Variants in MAEL observed in about 807,000 individuals in gnomAD.
MAEL encodes the protein maelstrom spermatogenic transposon silencer, also known as protein maelstrom homolog.
MAEL carries 46 observed loss-of-function variants against 62.0 expected under a neutral mutation model. The observed-to-expected ratio is 0.74, with a 90% CI of 0.59 to 0.95. The LOEUF is 0.95. MAEL is among the 40% of genes least tolerant of loss of function. The probability of loss-of-function intolerance (pLI) is 0.00; values close to 1 mark genes in which losing one functional copy is unlikely to be tolerated. For missense variants in MAEL, 497 were observed against 526.8 expected (o/e 0.94, Z 0.55); for synonymous variants, 172 against 175.5 (o/e 0.98, Z 0.16).
At chr1:167,007,828 AC>A (rs1425784068) in intron 8 of MAEL, among the ~76,000 whole-genome samples, 2 of 152,108 alleles carry the variant, frequency 1.3e-5, no homozygotes, top group Non-Finnish European at 2.9e-5. Context: ...AAGACATACA[AC>A]TGTTTAGAGT....
At position 167,004,350 on chromosome 1, in the gene MAEL, C is replaced by T. The variant is rs367890686; in HGVS notation, c.648+46C>T. 23 of 1,506,676 alleles carry T rather than the reference C, an allele frequency of 1.5e-5. No individual in the cohort carries two copies. The South Asian group carries it at 2.8e-4, about 19-fold the overall frequency. 93.3% of individuals were successfully genotyped at this position (1,506,676 alleles called of 1,614,324 possible). A position where few individuals can be genotyped will look rare whatever the true frequency, so the allele number is the denominator to read the frequency against. ...TCTTTTAAGGTATCAATTTATAGTACCAAAAGATCCATAAAACAAAGAATT... is the reference window on the plus strand; with the variant it reads ...TCTTTTAAGGTATCAATTTATAGTATCAAAAGATCCATAAAACAAAGAATT... On this transcript the variant is annotated intron_variant, in intron 6 of 11. Coordinates refer to ENST00000367872, the MANE Select transcript of MAEL (RefSeq NM_032858.3).
chr1:167,007,406 C>T (rs1482890281), intron 8 of MAEL, among the ~76,000 whole-genome samples: 1 of 152,086 alleles, frequency 6.6e-6, no homozygotes, highest in East Asian at 1.9e-4. Flanking sequence ...TTTGTTCCAG[C>T]CCTGGATTAG....
At chr1:166,993,159 C>G (rs1664267087) in intron 4 of MAEL, among the ~76,000 whole-genome samples, 1 of 152,120 alleles carries the variant, frequency 6.6e-6, no homozygotes, top group African/African-American at 2.4e-5. Flanking sequence ...ATGATCTTTT[C>G]TTTTTCTACC....
chr1:166,991,559 C>A, intron 3 of MAEL, 82 bp downstream of exon 3: 2 of 813,670 alleles, frequency 2.5e-6, no homozygotes, highest in Admixed American at 1.9e-5. Context: ...ATTTTCTGTT[C>A]ATTTTGATCC....
chr1:166,980,022 T>C (rs1005884287), intron 1 of MAEL, among the ~76,000 whole-genome samples: 66 of 152,322 alleles, frequency 4.3e-4, no homozygotes, highest in African/African-American at 1.3e-3. Context: ...ATTGTCTTTC[T>C]TTCTTTCTTT....
chr1:167,021,020 C>A, intron 10 of MAEL, 65 bp from the exon 11 acceptor site: 1 of 1,148,452 alleles, frequency 8.7e-7, no homozygotes, highest in Non-Finnish European at 1.3e-6. Context: ...AAATTGAAGA[C>A]AGACCATCCA....
chr1:167,017,642 T>C (rs1446909081), intron 9 of MAEL, among the ~76,000 whole-genome samples, 185 bp from the exon 10 acceptor site: 1 of 152,222 alleles, frequency 6.6e-6, no homozygotes, highest in Non-Finnish European at 1.5e-5. Flanking sequence ...TGCTTAGCAG[T>C]AATAACCTGT....
At chr1:167,003,513 C>G (rs1476020059) in intron 5 of MAEL, among the ~76,000 whole-genome samples, 3 of 152,128 alleles carry the variant, frequency 2.0e-5, no homozygotes, top group Non-Finnish European at 2.9e-5. Context: ...GCTTAAGATA[C>G]CTGGGGGCCT....
intron 10 of MAEL, among the ~76,000 whole-genome samples, chr1:167,020,222 CT>C (rs1665567480): frequency 6.6e-6 from 1 of 152,012 alleles, no homozygotes. Context: ...TGTCTCTACT[CT>C]TCACCTCCTT....
chr1:166,993,101 C>G (rs1664263327), intron 4 of MAEL, among the ~76,000 whole-genome samples: 1 of 152,138 alleles, frequency 6.6e-6, no homozygotes, highest in East Asian at 1.9e-4. Flanking sequence ...CTGCTATTCA[C>G]CTACCTATGG....
At chr1:166,991,219 C>T (rs1664160128) in intron 2 of MAEL, among the ~76,000 whole-genome samples, 159 bp from the exon 3 acceptor site, 1 of 152,102 alleles carries the variant, frequency 6.6e-6, no homozygotes, top group African/African-American at 2.4e-5. Flanking sequence ...TGTTATTCTG[C>T]CTTTGGGTGT....
intron 8 of MAEL, among the ~76,000 whole-genome samples, chr1:167,006,442 A>C (rs1407748369): frequency 6.6e-6 from 1 of 151,740 alleles, no homozygotes. Context: ...CATTTTTGGC[A>C]GGAATACCAC....
At chr1:167,008,619 G>C (rs188539213) in intron 8 of MAEL, among the ~76,000 whole-genome samples, 294 of 151,752 alleles carry the variant, frequency 1.9e-3, no homozygotes, top group African/African-American at 6.9e-3. Flanking sequence ...CTCTTTGTAT[G>C]TTGTTGTTCT....
chr1:166,978,742 G>A (rs985510481), intron 1 of MAEL, among the ~76,000 whole-genome samples: 1 of 152,156 alleles, frequency 6.6e-6, no homozygotes, highest in Non-Finnish European at 1.5e-5. Context: ...CCTTGTATCT[G>A]GTTAAGCTCC....
chr1:166,986,972 G>GTGTGTT (rs1553234922), upstream of MAEL, among the ~76,000 whole-genome samples: 1 of 151,284 alleles, frequency 6.6e-6, no homozygotes, highest in Non-Finnish European at 1.5e-5. Context: ...GTGTGTGTGT[G>GTGTGTT]TGTGTGTGTT....
intron 3 of MAEL, 130 bp from the exon 4 acceptor site, chr1:166,992,556 T>A: frequency 1.7e-6 from 1 of 582,006 alleles, no homozygotes; most frequent in South Asian, 2.8e-5. Context: ...CTTTTCCAGC[T>A]CATTTAGGAA....
At chr1:167,001,393 T>C (rs1664660049) in intron 5 of MAEL, among the ~76,000 whole-genome samples, 1 of 152,038 alleles carries the variant, frequency 6.6e-6, no homozygotes, top group Non-Finnish European at 1.5e-5. Flanking sequence ...TACCACCTGT[T>C]CCCCAAAAAC....
At chr1:166,986,203 T>C (rs1286452542), upstream of MAEL, among the ~76,000 whole-genome samples, 1 of 151,992 alleles carries the variant, frequency 6.6e-6, no homozygotes, top group African/African-American at 2.4e-5. Context: ...CTTCAAGCAG[T>C]GTAAAGGAGT....
At chr1:166,995,085 T>TA (rs1194914213) in intron 5 of MAEL, among the ~76,000 whole-genome samples, 1 of 151,868 alleles carries the variant, frequency 6.6e-6, no homozygotes, top group Admixed American at 6.6e-5. Context: ...CTATAATACT[T>TA]ACAACACTGT....
Sources: allele counts gnomAD v4.1 joint callset (sites outside exome capture counted in the v4.1 genomes callset), GRCh38; gene constraint gnomAD v4.1.1; transcripts MANE v1.5; gene names NCBI Gene and HGNC (gene_info 2026-07-23, HGNC 2026-07-21).